Variants in SYCP2 observed in about 807,000 individuals in gnomAD.
SYCP2 encodes synaptonemal complex protein 2, also known as synaptonemal complex lateral element protein.
SYCP2 carries 55 observed loss-of-function variants against 211.3 expected under a neutral mutation model. That is an observed-to-expected ratio of 0.26 (90% CI 0.21 to 0.33). The LOEUF (loss-of-function observed/expected upper bound fraction) is 0.33, where lower values mean the gene tolerates loss of function less well. Among genes scored for constraint, SYCP2 ranks in the 10% least tolerant of loss-of-function variants. The pLI, the probability that SYCP2 is intolerant of heterozygous loss-of-function variation, is 1.00. For synonymous variants in SYCP2, 570 were observed against 555.2 expected (o/e 1.03, Z -0.37); for missense variants, 1,731 against 1,752.0 (o/e 0.99, Z 0.21).
intron 24 of SYCP2, among the ~76,000 whole-genome samples, chr20:59,888,419 C>T (rs1041373231): frequency 1.1e-4 from 16 of 152,046 alleles, no homozygotes; most frequent in African/African-American, 3.6e-4. Flanking sequence ...TAAATTGATA[C>T]ACAAAAAACA....
intron 2 of SYCP2, among the ~76,000 whole-genome samples, chr20:59,927,242 T>C (rs1252706972): frequency 1.3e-5 from 2 of 152,130 alleles, no homozygotes; most frequent in Admixed American, 1.3e-4. Flanking sequence ...TCCTTGGTCT[T>C]TAACTTGTAA....
rs936699189 is a variant in SYCP2 at position 59,907,226 on chromosome 20, T to C, written c.1033+138A>G. 2.4e-5 allele frequency: 15 copies of C among 631,976 alleles called. No individual in the cohort carries two copies. The African/African-American group carries it at 2.5e-4, about 10-fold the overall frequency. 39.1% of individuals were successfully genotyped at this position (631,976 alleles called of 1,614,324 possible). On this transcript the variant is annotated intron_variant, in intron 15 of 44. Coordinates refer to ENST00000357552, the MANE Select transcript of SYCP2 (RefSeq NM_014258.4). Reference sequence around the variant, plus strand: ...TAGGGAAACATGGGATCAAGGTGTTTGATGAATTTCTGAATGTGAACCTCT... The same window carrying C: ...TAGGGAAACATGGGATCAAGGTGTTCGATGAATTTCTGAATGTGAACCTCT...
At chr20:59,872,463 T>C (rs180963212) in intron 35 of SYCP2, among the ~76,000 whole-genome samples, 4 of 152,008 alleles carry the variant, frequency 2.6e-5, no homozygotes, top group Admixed American at 2.0e-4. Flanking sequence ...AAAGCAAGAG[T>C]AGTGATGCTG....
In SYCP2 at chr20:59,874,078, TAAA is replaced by T. The variant is rs761753145; in HGVS notation, c.3350-20_3350-18del. On this transcript the variant is annotated intron_variant, in intron 34 of 44. Transcript: ENST00000357552. ...TCTCTATACCTATATTGCATCAAAATAAAAAAGAAAATAGATGGCAAGCGTTAT... is the reference window on the plus strand; with the variant it reads ...TCTCTATACCTATATTGCATCAAAATAAAGAAAATAGATGGCAAGCGTTAT... 40 of 1,435,148 alleles carry T rather than the reference TAAA, an allele frequency of 2.8e-5. No homozygotes were observed. The highest frequency in any genetic ancestry group is 3.7e-5 in the Non-Finnish European group (39 of 1,059,852). The allele number at this position is 1,435,148 out of a possible 1,614,324, so 88.9% of individuals were successfully genotyped here.
At chr20:59,896,137 G>A (rs2060003236) in intron 19 of SYCP2, among the ~76,000 whole-genome samples, 1 of 152,030 alleles carries the variant, frequency 6.6e-6, no homozygotes, top group Admixed American at 6.6e-5. Context: ...TGGAAGTGGG[G>A]AGCTAAGTCC....
At chr20:59,909,892 C>T (rs1168519811) in intron 14 of SYCP2, among the ~76,000 whole-genome samples, 1 of 152,082 alleles carries the variant, frequency 6.6e-6, no homozygotes, top group Admixed American at 6.5e-5. Context: ...ATTGAGTAAC[C>T]TGAGAATACT....
rs778436393 is a variant in SYCP2 at position 59,900,207 on chromosome 20, C to T, written c.1335G>A (p.Lys445=). The change falls in exon 18 of 45, where the codon AAG becomes AAA. Residue 445 remains lysine (K), a synonymous_variant. Coordinates refer to ENST00000357552, the MANE Select transcript of SYCP2 (RefSeq NM_014258.4). ...VSLKEKSKSP[K]EFAKPSKYIK... is the part of the protein sequence containing the mutation. ...TATATTTTGAAGGTTTAGCAAATTCCTTTGGGGACTTTGATTTTTCCTTTA... is the reference window on the plus strand; with the variant it reads ...TATATTTTGAAGGTTTAGCAAATTCTTTTGGGGACTTTGATTTTTCCTTTA... 2 of 1,612,836 alleles carry T rather than the reference C, an allele frequency of 1.2e-6. No individual in the cohort carries two copies. The highest frequency in any genetic ancestry group is 2.2e-5 in the South Asian group (2 of 90,998).
In SYCP2 at chr20:59,922,408, T is replaced by C; in HGVS notation, c.6A>G (p.Pro2=). The change falls in exon 3 of 45, where the codon CCA becomes CCG. Residue 2 remains proline, a synonymous_variant. Coordinates refer to ENST00000357552, the MANE Select transcript of SYCP2 (RefSeq NM_014258.4). M[P]IRPDLQQLEK... ...TACATACCTGGAGATCTGGTCTTATTGGCATTTTGACTTCATTTAAAAAAA... is the reference window on the plus strand; with the variant it reads ...TACATACCTGGAGATCTGGTCTTATCGGCATTTTGACTTCATTTAAAAAAA... 1.9e-6 allele frequency: 3 copies of C among 1,567,260 alleles called. No homozygotes were observed. Among genetic ancestry groups the C allele is most frequent in the Non-Finnish European group, 2.6e-6 (3 of 1,163,460 alleles).
At chr20:59,864,455 TAGAA>T in intron 44 of SYCP2, 67 bp from the exon 45 acceptor site, 3 of 1,069,412 alleles carry the variant, frequency 2.8e-6, no homozygotes, top group South Asian at 3.2e-5. Flanking sequence ...CCAAATAAAA[TAGAA>T]AAAAAAAAAT....
chr20:59,893,661 T>A, intron 20 of SYCP2, 68 bp from the exon 21 acceptor site: 2 of 1,186,250 alleles, frequency 1.7e-6, no homozygotes, highest in African/African-American at 1.5e-5. Flanking sequence ...GTTACAGTAT[T>A]AAGGTTTGAG....
At chr20:59,872,321 C>T (rs1461172609) in intron 35 of SYCP2, among the ~76,000 whole-genome samples, 1 of 151,992 alleles carries the variant, frequency 6.6e-6, no homozygotes, top group Non-Finnish European at 1.5e-5. Context: ...TGAATCATCA[C>T]TTTGTCCAGC....
chr20:59,879,824 T>TAA (rs1450556315), intron 31 of SYCP2, among the ~76,000 whole-genome samples: 20 of 3,592 alleles, frequency 5.6e-3, no homozygotes, highest in East Asian at 0.045. Flanking sequence ...TATAAATAAA[T>TAA]ATATATATAT....
At chr20:59,870,300 A>G (rs1327561667) in intron 35 of SYCP2, among the ~76,000 whole-genome samples, 1 of 151,808 alleles carries the variant, frequency 6.6e-6, no homozygotes, top group African/African-American at 2.4e-5. Flanking sequence ...GTAACAGTTT[A>G]TATGGCTGTC....
chr20:59,890,836 T>G (rs1235119896), intron 24 of SYCP2, among the ~76,000 whole-genome samples: 1 of 151,274 alleles, frequency 6.6e-6, no homozygotes, highest in Non-Finnish European at 1.5e-5. Context: ...AAAATTTAAA[T>G]TTAAAGACAG....
At chr20:59,868,735 T>G in intron 37 of SYCP2, 100 bp downstream of exon 37, 1 of 1,271,846 alleles carries the variant, frequency 7.9e-7, no homozygotes, top group Non-Finnish European at 1.1e-6. Context: ...TTACATTAAG[T>G]TGAATAACGG....
intron 1 of SYCP2, among the ~76,000 whole-genome samples, chr20:59,933,047 G>A (rs1302797815): frequency 6.6e-6 from 1 of 152,004 alleles, no homozygotes; most frequent in African/African-American, 2.4e-5. Context: ...ACACACACCC[G>A]AGATGCGCCC....
chr20:59,886,215 C>A (rs1177032724), intron 25 of SYCP2, among the ~76,000 whole-genome samples: 1 of 152,012 alleles, frequency 6.6e-6, no homozygotes, highest in Non-Finnish European at 1.5e-5. Flanking sequence ...CCATAAGAAT[C>A]ATTTATTCAT....
chr20:59,900,342 A>G, intron 17 of SYCP2, 58 bp from the exon 18 acceptor site: 1 of 1,417,232 alleles, frequency 7.1e-7, no homozygotes, highest in Non-Finnish European at 9.5e-7. Context: ...AAAGTAATCA[A>G]CAATCACTGG....
At chr20:59,866,213 C>CA (rs1443446780) in intron 41 of SYCP2, 80 bp downstream of exon 41, 4 of 894,486 alleles carry the variant, frequency 4.5e-6, no homozygotes, top group Non-Finnish European at 6.7e-6. Flanking sequence ...GATGTGCTCC[C>CA]AAAAAAGAAA....
Sources: allele counts gnomAD v4.1 joint callset (sites outside exome capture counted in the v4.1 genomes callset), GRCh38; gene constraint gnomAD v4.1.1; transcripts MANE v1.5; gene names NCBI Gene and HGNC (gene_info 2026-07-23, HGNC 2026-07-21).